The following PCDH17 variants were observed in gnomAD, a reference collection of about 807,000 sequenced individuals.
PCDH17 encodes the protein protocadherin-17.
In PCDH17, 21 loss-of-function variants were observed where a neutral mutation model predicts 67.7. The observed-to-expected ratio is 0.31, with a 90% CI of 0.22 to 0.45. The LOEUF (loss-of-function observed/expected upper bound fraction) is 0.45, where lower values mean the gene tolerates loss of function less well. Among genes scored for constraint, PCDH17 ranks in the 20% least tolerant of loss-of-function variants. The pLI, the probability that PCDH17 is intolerant of heterozygous loss-of-function variation, is 1.00. For synonymous variants in PCDH17, 701 were observed against 656.7 expected (o/e 1.07, Z -1.03); for missense variants, 1,471 against 1,564.8 (o/e 0.94, Z 1.01).
rs1954727322 is a variant in PCDH17, at chr13:57,631,891, A to G, written c.-656A>G. Reference sequence around the variant, plus strand: ...AAATGCAGCAAAACACTGCCTGAAAACAGACCGGCCCGCGCAGCAAGCAGA... The same window carrying G: ...AAATGCAGCAAAACACTGCCTGAAAGCAGACCGGCCCGCGCAGCAAGCAGA... On this transcript the variant is annotated 5_prime_UTR_variant, in exon 1 of 4. Transcript: ENST00000377918. The G allele has an allele frequency of 6.6e-6, 1 of 152,594 alleles. No individual in the cohort carries two copies. The highest frequency in any genetic ancestry group is 1.9e-4 in the East Asian group (1 of 5,152). 9.5% of individuals were successfully genotyped at this position (152,594 alleles called of 1,614,324 possible). A position where few individuals can be genotyped will look rare whatever the true frequency, so the allele number is the denominator to read the frequency against.
intron 3 of PCDH17, among the ~76,000 whole-genome samples, chr13:57,700,667 C>G (rs1955655035): frequency 6.6e-6 from 1 of 151,966 alleles, no homozygotes; most frequent in South Asian, 2.1e-4. Context: ...TATATTCTTT[C>G]TTTTGTTTGA....
chr13:57,726,892 T>C lies in PCDH17; in HGVS notation c.*1598T>C, dbSNP rs551145346. ...CATGTATGTACCAGCAGTGGTTACT[T>C]GCATTGTGTAGTGTTTTTCAAGAGG... On this transcript the variant is annotated 3_prime_UTR_variant, in exon 4 of 4. Coordinates refer to ENST00000377918, the MANE Select transcript of PCDH17 (RefSeq NM_001040429.3). The C allele has an allele frequency of 6.6e-6, 1 of 152,580 alleles. No individual in the cohort carries two copies. Among genetic ancestry groups the C allele is most frequent in the African/African-American group, 2.4e-5 (1 of 41,454 alleles). The allele number at this position is 152,580 out of a possible 1,614,324, so 9.5% of individuals were successfully genotyped here.
At position 57,666,687 on chromosome 13, in the gene PCDH17, G is replaced by A. The variant is rs1169875652; in HGVS notation, c.2651G>A (p.Arg884Lys). 6.2e-7 allele frequency: 1 copy of A among 1,612,640 alleles called. No individual in the cohort carries two copies. The highest frequency in any genetic ancestry group is 1.3e-5 in the African/African-American group (1 of 74,840). ...AGCTCCACGTTTAAGGACCCAGAAA[G>A]AGCCAGCCTGAGAGACAGTGGGCAC... Reference protein sequence around the residue: ...QSSSTFKDPERASLRDSGHGD... With the variant: ...QSSSTFKDPEKASLRDSGHGD... Residue 884 changes from arginine (R) to lysine (K), a missense_variant, in exon 3 of 4, where the codon AGA becomes AAA. Arg to Lys is a conservative substitution (Grantham distance 26). Transcript: ENST00000377918.
At chr13:57,710,065 C>T (rs1406911936) in intron 3 of PCDH17, among the ~76,000 whole-genome samples, 1 of 151,694 alleles carries the variant, frequency 6.6e-6, no homozygotes, top group East Asian at 1.9e-4. Flanking sequence ...AAAATTCTAC[C>T]ACTTATATTA....
chr13:57,724,985 T>C lies in PCDH17; in HGVS notation c.3171T>C (p.Cys1057=), dbSNP rs749152438. ...CAACAAAAGGCTCCCTGGATGGCTGTGAAGCAAAACCAGGAGCCCTGGCTG... is the reference window on the plus strand; with the variant it reads ...CAACAAAAGGCTCCCTGGATGGCTGCGAAGCAAAACCAGGAGCCCTGGCTG... ...CTSTKGSLDG[C]EAKPGALAEA... The change falls in exon 4 of 4, where the codon TGT becomes TGC. Residue 1057 remains cysteine (C), a synonymous_variant. Coordinates refer to ENST00000377918, the MANE Select transcript of PCDH17 (RefSeq NM_001040429.3). 1 of 1,614,138 alleles carries C rather than the reference T, an allele frequency of 6.2e-7. No individual in the cohort carries two copies.
intron 3 of PCDH17, among the ~76,000 whole-genome samples, chr13:57,700,647 T>C (rs1397758062): frequency 6.6e-6 from 1 of 151,970 alleles, no homozygotes; most frequent in Non-Finnish European, 1.5e-5. Flanking sequence ...AGCCTAATGG[T>C]GGGAGTAAAT....
chr13:57,641,899 G>T (rs1456777889), intron 1 of PCDH17, among the ~76,000 whole-genome samples: 1 of 151,380 alleles, frequency 6.6e-6, no homozygotes, highest in Non-Finnish European at 1.5e-5. Flanking sequence ...GATAAATACA[G>T]GTTGGATAAA....
At chr13:57,643,088 T>C (rs117499269) in intron 1 of PCDH17, among the ~76,000 whole-genome samples, 3 of 151,744 alleles carry the variant, frequency 2.0e-5, no homozygotes, top group Non-Finnish European at 4.4e-5. Context: ...GAATACTTGA[T>C]ATATTTTTGC....
chr13:57,634,621 T>TACC lies in PCDH17; in HGVS notation c.2078_2080dup (p.Pro693dup), dbSNP rs1421612373. On this transcript the variant is annotated inframe_insertion, in exon 1 of 4. Coordinates refer to ENST00000377918, the MANE Select transcript of PCDH17 (RefSeq NM_001040429.3). This position sits in a 1 kb window ranked among gnomAD's most constrained non-coding sequence, Gnocchi z 7.8. ...GTGAGCGGATCCCTTCCCGAGGGGG[T>TACC]ACCACGGGTGAATGGCGAGCAGCAC... The TACC allele has an allele frequency of 6.2e-7, 1 of 1,612,934 alleles. No homozygotes were observed. The highest frequency in any genetic ancestry group is 1.3e-5 in the African/African-American group (1 of 74,754).
At chr13:57,686,202 C>A (rs1022852140) in intron 3 of PCDH17, among the ~76,000 whole-genome samples, 1 of 151,864 alleles carries the variant, frequency 6.6e-6, no homozygotes. Context: ...AATAATAGAG[C>A]CAACTAGTTG....
chr13:57,692,235 G>A (rs991962266), intron 3 of PCDH17, among the ~76,000 whole-genome samples: 5 of 151,106 alleles, frequency 3.3e-5, no homozygotes, highest in African/African-American at 1.2e-4. Context: ...AAATGAGAGA[G>A]TCTCAATTTC....
Position 57,634,305 on chromosome 13 carries a change from A to G in PCDH17, c.1759A>G (p.Thr587Ala). The G allele has an allele frequency of 6.2e-7, 1 of 1,612,992 alleles. No individual in the cohort carries two copies. Among genetic ancestry groups the G allele is most frequent in the Non-Finnish European group, 8.5e-7 (1 of 1,180,016 alleles). ...CAACGCGCCAGTGATCGTGCTCCCC[A>G]CGCTGCAGAACGACACCGCGGAGCT... ...NDNAPVIVLP[T>A]LQNDTAELQV... The change falls in exon 1 of 4, where the codon ACG becomes GCG. Residue 587 changes from threonine (T) to alanine (A), a missense_variant. Thr to Ala is a moderately conservative substitution (Grantham distance 58, BLOSUM62 0). Transcript: ENST00000377918. This position sits in a 1 kb window ranked among gnomAD's most constrained non-coding sequence, Gnocchi z 7.8.
At chr13:57,707,372 T>TGTGTGTG (rs71083325) in intron 3 of PCDH17, among the ~76,000 whole-genome samples, 2 of 147,626 alleles carry the variant, frequency 1.4e-5, no homozygotes, top group East Asian at 2.0e-4. Context: ...TGTGTGTGTG[T>TGTGTGTG]TCATAATAAA....
In PCDH17 at chr13:57,640,865, A is replaced by G. The variant is rs561430877; in HGVS notation, c.2565+5754A>G. ...GCTGAGAAGTCTTGCAATACACTCAATAGTGGGTAAATTCTTACAAATGCA... is the reference window on the plus strand; with the variant it reads ...GCTGAGAAGTCTTGCAATACACTCAGTAGTGGGTAAATTCTTACAAATGCA... On this transcript the variant is annotated intron_variant, in intron 1 of 3. Transcript: ENST00000377918. Among the ~76,000 whole-genome samples the G allele has an allele frequency of 7.2e-5, 11 of 152,178 alleles. No homozygotes were observed. The East Asian group carries it at 7.7e-4, about 11-fold the overall frequency.
chr13:57,686,814 T>A (rs1955511769), intron 3 of PCDH17, among the ~76,000 whole-genome samples: 1 of 152,042 alleles, frequency 6.6e-6, no homozygotes, highest in African/African-American at 2.4e-5. Context: ...GTTTATTTCC[T>A]CGAAATATGG....
intron 3 of PCDH17, among the ~76,000 whole-genome samples, chr13:57,669,358 T>G (rs964477879): frequency 1.3e-5 from 2 of 151,942 alleles, no homozygotes; most frequent in Admixed American, 6.6e-5. Context: ...GTGATCTCTC[T>G]CTCTCTATTT....
intron 3 of PCDH17, among the ~76,000 whole-genome samples, chr13:57,722,101 C>T (rs141381440): frequency 2.0e-5 from 3 of 152,224 alleles, no homozygotes; most frequent in East Asian, 3.9e-4. Context: ...TTGCTCCCCA[C>T]GATGTGACAT....
rs780773638 is a variant in PCDH17, at chr13:57,632,738, C to T, written c.192C>T (p.Tyr64=). ...GGGGRSKSGS[Y]RVLENSAPHL... is the part of the protein sequence containing the mutation. ...GAGGGCGCAGCAAGTCGGGTAGCTA[C>T]CGGGTGCTGGAGAACTCCGCACCGC... The change falls in exon 1 of 4, where the codon TAC becomes TAT. Residue 64 remains tyrosine (Y), a synonymous_variant. Transcript: ENST00000377918. The T allele has an allele frequency of 1.7e-5, 28 of 1,612,248 alleles. No individual in the cohort carries two copies. In the South Asian group the frequency reaches 2.6e-4, roughly 15 times the overall value.
chr13:57,714,518 A>G (rs1044771437), intron 3 of PCDH17, among the ~76,000 whole-genome samples: 3 of 151,744 alleles, frequency 2.0e-5, no homozygotes, highest in Non-Finnish European at 4.4e-5. Flanking sequence ...AGGCAATAAA[A>G]GCATAAGGAA....
Sources: gnomAD v4.1 joint callset for allele counts (sites outside exome capture counted in the v4.1 genomes callset) on GRCh38, gnomAD v4.1.1 for gene constraint, Gnocchi (gnomAD v3.1) non-coding constraint, MANE v1.5 for transcripts, NCBI Gene and HGNC (gene_info 2026-07-23, HGNC 2026-07-21) for gene names.